The following CHD8 variants were observed in gnomAD, a reference collection of about 807,000 sequenced individuals.
The protein encoded by CHD8 is chromodomain helicase DNA binding protein 8, also known as ATP-dependent chromatin remodeler CHD8.
CHD8 carries 31 observed loss-of-function variants against 279.2 expected under a neutral mutation model. The observed-to-expected ratio is 0.11, with a 90% CI of 0.08 to 0.15. CHD8 has a LOEUF of 0.15. CHD8 is among the 10% of genes least tolerant of loss of function. The pLI, the probability that CHD8 is intolerant of heterozygous loss-of-function variation, is 1.00. For missense variants in CHD8, 2,146 were observed against 3,230.5 expected, an observed-to-expected ratio of 0.66 and a Z score of 8.14; for synonymous variants, 1,081 against 1,139.6, an observed-to-expected ratio of 0.95 and a Z score of 1.04.
In CHD8 at chr14:21,393,040, T is replaced by C. The variant is rs1222618011; in HGVS notation, c.6468+66A>G. 8 of 1,513,900 alleles carry C rather than the reference T, an allele frequency of 5.3e-6. No homozygotes were observed. In the African/African-American group the frequency reaches 5.6e-5, roughly 11 times the overall value. The allele number at this position is 1,513,900 out of a possible 1,614,324, so 93.8% of individuals were successfully genotyped here. A position where few individuals can be genotyped will look rare whatever the true frequency, so the allele number is the denominator to read the frequency against. Reference sequence around the variant, plus strand: ...AAATCCAGAACCATATGTTCCTTTTTCCCCGGATATACTGTTACACTGTAT... The same window carrying C: ...AAATCCAGAACCATATGTTCCTTTTCCCCCGGATATACTGTTACACTGTAT... On this transcript the variant is annotated intron_variant, in intron 33 of 37. Coordinates refer to ENST00000646647, the MANE Select transcript of CHD8 (RefSeq NM_001170629.2).
At chr14:21,431,937 G>A (rs1484102900) in intron 1 of CHD8, 79 bp from the exon 2 acceptor site, 5 of 845,970 alleles carry the variant, frequency 5.9e-6, no homozygotes, top group South Asian at 1.4e-5. Flanking sequence ...CTTACGTACT[G>A]TTCTTAATAT....
chr14:21,414,335 G>T lies in CHD8; in HGVS notation c.2108C>A (p.Thr703Asn). The T allele has an allele frequency of 6.4e-7, 1 of 1,569,698 alleles. No individual in the cohort carries two copies. The highest frequency in any genetic ancestry group is 8.7e-7 in the Non-Finnish European group (1 of 1,153,196). Residue 703 changes from threonine to asparagine, a missense_variant, in exon 9 of 38, where the codon ACC becomes AAC. Around this residue, in one of 26 missense-constraint regions of CHD8, gnomAD observed 211 missense variants for 464.7 expected, o/e 0.45. Transcript: ENST00000646647. ...GAAGTGTCTCATCTGAGCCATTTTG[G>T]TTTTGAAGCGCTTTAATTTTTGATG... ...RIHQKLKRFK[T>N]KMAQMRHFFH...
At chr14:21,423,925 G>T (rs1298209416) in intron 5 of CHD8, among the ~76,000 whole-genome samples, 3 of 152,130 alleles carry the variant, frequency 2.0e-5, no homozygotes, top group Non-Finnish European at 2.9e-5. Context: ...GCTATTAAAT[G>T]GTAGAGTCAA....
At chr14:21,404,924 T>TTTAAAAA in intron 16 of CHD8, 1 of 328,670 alleles carries the variant, frequency 3.0e-6, no homozygotes, top group Non-Finnish European at 5.6e-6. Flanking sequence ...CTCTGCCTTC[T>TTTAAAAA]GGGTTCAAGC....
At chr14:21,392,381 TA>T (rs1279174291) in intron 34 of CHD8, 125 bp downstream of exon 34, 7 of 951,370 alleles carry the variant, frequency 7.4e-6, no homozygotes, top group Non-Finnish European at 9.6e-6. Flanking sequence ...TGGATCTTTG[TA>T]AGCTCTGTTT....
chr14:21,448,990 A>G (rs1034944517), intron 1 of CHD8, among the ~76,000 whole-genome samples: 1 of 151,412 alleles, frequency 6.6e-6, no homozygotes, highest in Non-Finnish European at 1.5e-5. Flanking sequence ...CTGGCTAACA[A>G]GGTGAAACCC....
chr14:21,451,891 G>A (rs1001276544), intron 1 of CHD8, among the ~76,000 whole-genome samples: 4 of 152,088 alleles, frequency 2.6e-5, no homozygotes, highest in Non-Finnish European at 4.4e-5. Flanking sequence ...TAGTTTAAAC[G>A]TAAAACATTA....
rs1158436434 is a variant in CHD8 at position 21,437,525 on chromosome 14, T to G, written c.-215-5667A>C. Among the ~76,000 whole-genome samples, 5 of 151,308 alleles carry G rather than the reference T, an allele frequency of 3.3e-5. No individual in the cohort carries two copies. The East Asian group carries it at 9.8e-4, about 30-fold the overall frequency. On this transcript the variant is annotated intron_variant, in intron 1 of 37. Transcript: ENST00000646647. ...AGTACGCGAAACCAGTCCTGGAGAT[T>G]AAATTCCCTACCATCTACTCTGAAT...
At position 21,450,030 on chromosome 14, in the gene CHD8, A is replaced by G. The variant is rs796974982; in HGVS notation, c.-216+6002T>C. On this transcript the variant is annotated intron_variant, in intron 1 of 37. Transcript: ENST00000646647. ...AGGGGAGGAAAAACAAGAATGACTG[A>G]GTACTGAGTAGAAGAAATGAAAAAT... Among the ~76,000 whole-genome samples, 55 of 152,378 alleles carry G rather than the reference A, an allele frequency of 3.6e-4. 2 individuals carry two copies. The highest frequency in any genetic ancestry group is 1.3e-3 in the African/African-American group (54 of 41,592).
intron 1 of CHD8, among the ~76,000 whole-genome samples, chr14:21,450,903 C>T (rs1410626810): frequency 6.6e-6 from 1 of 152,056 alleles, no homozygotes. Flanking sequence ...AAGGTGCTAA[C>T]ATACAAGGGA....
chr14:21,441,704 C>A lies in CHD8; in HGVS notation c.-215-9846G>T, dbSNP rs549774772. 1.9e-4 allele frequency among the ~76,000 whole-genome samples: 29 copies of A among 151,998 alleles called. No homozygotes were observed. In the Middle Eastern group the frequency reaches 0.01, roughly 54 times the overall value. On this transcript the variant is annotated intron_variant, in intron 1 of 37. Transcript: ENST00000646647. ...GAGATGGAGACCATCCTGGCTAACACGGTGAAACCCCGTCTCTACTAAAAA... is the reference window on the plus strand; with the variant it reads ...GAGATGGAGACCATCCTGGCTAACAAGGTGAAACCCCGTCTCTACTAAAAA...
chr14:21,441,732 CAA>C (rs369507735), intron 1 of CHD8, among the ~76,000 whole-genome samples: 3 of 151,480 alleles, frequency 2.0e-5, no homozygotes, highest in Non-Finnish European at 2.9e-5. Context: ...ACTAAAAATA[CAA>C]AAAAATTAGC....
At chr14:21,440,749 C>T (rs542400313) in intron 1 of CHD8, among the ~76,000 whole-genome samples, 4 of 152,182 alleles carry the variant, frequency 2.6e-5, no homozygotes, top group South Asian at 4.2e-4. Context: ...AGGGCCAGAG[C>T]GTGGAGAGCC....
chr14:21,391,978 A>T, intron 34 of CHD8, 32 bp from the exon 35 acceptor site: 1 of 1,425,614 alleles, frequency 7.0e-7, no homozygotes, highest in Non-Finnish European at 9.9e-7. Context: ...CCAAGACATC[A>T]TATGGTACAT....
chr14:21,443,347 C>T (rs1214117121), intron 1 of CHD8, among the ~76,000 whole-genome samples: 3 of 151,414 alleles, frequency 2.0e-5, no homozygotes, highest in East Asian at 2.0e-4. Context: ...GCCGAGACTG[C>T]GCCACTGCAC....
intron 1 of CHD8, among the ~76,000 whole-genome samples, chr14:21,447,292 C>T (rs1436702474): frequency 6.6e-6 from 1 of 152,132 alleles, no homozygotes; most frequent in East Asian, 1.9e-4. Context: ...ATGTTAGTTA[C>T]CCCGTTAGGG....
At position 21,387,642 on chromosome 14, in the gene CHD8, A is replaced by AG. The variant is rs1220880361; in HGVS notation, c.7183-1467_7183-1466insC. Among the ~76,000 whole-genome samples the AG allele has an allele frequency of 2.7e-5, 4 of 149,440 alleles. No homozygotes were observed. In the East Asian group the frequency reaches 5.9e-4, roughly 22 times the overall value. The stretch of plus-strand genomic sequence containing the variant: ...AACAAGAGTGAAACTCTGTATCAAA[A>AG]AAAAAAAAAAAAAAAAAGCTGGGTG... On this transcript the variant is annotated intron_variant, in intron 37 of 37. Transcript: ENST00000646647.
chr14:21,391,492 C>T lies in CHD8; in HGVS notation c.7036G>A (p.Glu2346Lys), dbSNP rs200465274. 7.4e-4 allele frequency: 1,199 copies of T among 1,613,796 alleles called. 14 individuals carry two copies. The highest frequency in any genetic ancestry group is 1.2e-4 in the Non-Finnish European group (145 of 1,179,862). ...ELEMWLQGHP[E>K]FAVDPRFLAY... Reference sequence around the variant, plus strand: ...AGAAATCGGGGATCAACAGCAAACTCTGGATGACCCTGTAACCACATCTCC... The same window carrying T: ...AGAAATCGGGGATCAACAGCAAACTTTGGATGACCCTGTAACCACATCTCC... Residue 2346 changes from glutamate (E) to lysine (K), a missense_variant, in exon 36 of 38, where the codon GAG (glutamate) becomes AAG (lysine). By Grantham distance (56) the Glu-to-Lys change is moderately conservative. This residue lies in a region of CHD8 where 336 missense variants were observed against 392.9 expected (regional missense o/e 0.86). Coordinates refer to ENST00000646647, the MANE Select transcript of CHD8 (RefSeq NM_001170629.2).
intron 4 of CHD8, 132 bp downstream of exon 4, chr14:21,427,737 G>A: frequency 6.6e-7 from 1 of 1,520,862 alleles, no homozygotes; most frequent in Admixed American, 2.2e-5. Context: ...GCACTCACTT[G>A]AGCTTGCTCT....
Sources: allele counts gnomAD v4.1 joint callset (sites outside exome capture counted in the v4.1 genomes callset), GRCh38; gene constraint gnomAD v4.1.1; regional missense constraint gnomAD v4.1.1; transcripts MANE v1.5; gene names NCBI Gene and HGNC (gene_info 2026-07-23, HGNC 2026-07-21).